The following CACNA1E variants were observed in gnomAD, a reference collection of about 807,000 sequenced individuals.
The protein encoded by CACNA1E is calcium voltage-gated channel subunit alpha1 E.
A neutral mutation model predicts 259.2 loss-of-function variants in CACNA1E; 40 were observed. The observed-to-expected ratio is 0.15, with a 90% confidence interval of 0.12 to 0.20. The LOEUF (loss-of-function observed/expected upper bound fraction) is 0.20, where lower values mean the gene tolerates loss of function less well. Ranked by LOEUF, CACNA1E falls within the 10% of genes least tolerant of loss-of-function variation. The pLI, the probability that CACNA1E is intolerant of heterozygous loss-of-function variation, is 1.00. For synonymous variants in CACNA1E, 1,104 were observed against 1,138.5 expected (o/e 0.97, Z 0.61); for missense variants, 1,874 against 3,040.1 (o/e 0.62, Z 9.02).
At chr1:181,738,717 C>T (rs1286803914) in intron 24 of CACNA1E, among the ~76,000 whole-genome samples, 1 of 152,234 alleles carries the variant, frequency 6.6e-6, no homozygotes, top group Non-Finnish European at 1.5e-5. Context: ...CAGTGCTTGT[C>T]TTGGCTGAGC....
intron 3 of CACNA1E, among the ~76,000 whole-genome samples, chr1:181,571,803 A>C (rs1326554089): frequency 6.6e-6 from 1 of 152,170 alleles, no homozygotes; most frequent in African/African-American, 2.4e-5. Flanking sequence ...TCCTGGACCT[A>C]ATGGTGTAAG....
chr1:181,367,024 C>T (rs544022774), intron 1 of CACNA1E, among the ~76,000 whole-genome samples: 25 of 152,198 alleles, frequency 1.6e-4, no homozygotes, highest in South Asian at 2.1e-4. Context: ...CCCTGCCTAA[C>T]GTGTCCTATT....
intron 1 of CACNA1E, among the ~76,000 whole-genome samples, chr1:181,494,525 C>G (rs1471216108): frequency 2.0e-5 from 3 of 152,108 alleles, no homozygotes; most frequent in African/African-American, 7.2e-5. Context: ...AATGTTTATC[C>G]TGCAGAGATC....
rs1668408902 is a variant in CACNA1E at position 181,539,349 on chromosome 1, T to G, written c.512+27839T>G. Among the ~76,000 whole-genome samples the G allele has an allele frequency of 2.0e-5, 3 of 152,118 alleles. No individual in the cohort carries two copies. The South Asian group carries it at 6.2e-4, about 31-fold the overall frequency. ...TGGCACTTAGTAGTCATTCAGCAAATATTACCAAATGAACAGATAATGACT... is the reference window on the plus strand; with the variant it reads ...TGGCACTTAGTAGTCATTCAGCAAAGATTACCAAATGAACAGATAATGACT... On this transcript the variant is annotated intron_variant, in intron 3 of 47. Transcript: ENST00000367573.
chr1:181,442,049 T>G (rs1012700393), intron 2 of CACNA1E, among the ~76,000 whole-genome samples: 1 of 152,198 alleles, frequency 6.6e-6, no homozygotes, highest in Non-Finnish European at 1.5e-5. Context: ...CACACGGACC[T>G]TGGACTCTGG....
chr1:181,373,353 C>G (rs1332871474), intron 1 of CACNA1E, among the ~76,000 whole-genome samples: 2 of 151,990 alleles, frequency 1.3e-5, no homozygotes, highest in African/African-American at 4.8e-5. Flanking sequence ...CTTCCTGGTT[C>G]AATCTTGGAA....
At chr1:181,343,467 G>A (rs971841135) in intron 1 of CACNA1E, among the ~76,000 whole-genome samples, 9 of 151,992 alleles carry the variant, frequency 5.9e-5, no homozygotes, top group South Asian at 2.1e-4. Flanking sequence ...CTCTCTTGCC[G>A]TATGAGGCAC....
intron 1 of CACNA1E, among the ~76,000 whole-genome samples, chr1:181,399,729 G>T (rs1289420666): frequency 6.6e-6 from 1 of 152,228 alleles, no homozygotes; most frequent in Non-Finnish European, 1.5e-5. Flanking sequence ...ATATTATGTA[G>T]ATACTACGTG....
intron 6 of CACNA1E, among the ~76,000 whole-genome samples, chr1:181,645,537 T>C (rs940092121): frequency 6.6e-6 from 1 of 152,222 alleles, no homozygotes; most frequent in Non-Finnish European, 1.5e-5. Context: ...CCTTTCTGGC[T>C]TCTGCTGTCT....
intron 37 of CACNA1E, among the ~76,000 whole-genome samples, chr1:181,774,123 G>A (rs180925062): frequency 5.9e-5 from 9 of 152,316 alleles, no homozygotes; most frequent in Non-Finnish European, 4.4e-5. Context: ...AATTAAACCT[G>A]CCTCACAAAG....
At chr1:181,777,035 T>C (rs966176412) in intron 38 of CACNA1E, among the ~76,000 whole-genome samples, 4 of 152,234 alleles carry the variant, frequency 2.6e-5, no homozygotes, top group African/African-American at 9.6e-5. Flanking sequence ...AAGTATTTAC[T>C]ACAGAAATAT....
intron 2 of CACNA1E, among the ~76,000 whole-genome samples, chr1:181,474,149 AAGT>A (rs1346827625): frequency 6.6e-6 from 1 of 152,242 alleles, no homozygotes; most frequent in Non-Finnish European, 1.5e-5. Flanking sequence ...AAACAAAGGA[AAGT>A]AGCATAACTG....
chr1:181,704,138 C>A (rs1652555957), intron 7 of CACNA1E, among the ~76,000 whole-genome samples: 1 of 152,142 alleles, frequency 6.6e-6, no homozygotes, highest in Admixed American at 6.5e-5. Context: ...CAACCTAAGT[C>A]TCCTTAAATC....
intron 7 of CACNA1E, among the ~76,000 whole-genome samples, chr1:181,674,003 A>G (rs1308921220): frequency 6.6e-6 from 1 of 152,032 alleles, no homozygotes; most frequent in Non-Finnish European, 1.5e-5. Flanking sequence ...GTTAGGGCCA[A>G]TTTAGGCAAT....
chr1:181,701,575 C>T (rs913998338), intron 7 of CACNA1E, among the ~76,000 whole-genome samples: 31 of 152,176 alleles, frequency 2.0e-4, no homozygotes, highest in Admixed American at 1.9e-3. Context: ...AATGAGGTGG[C>T]GCAGACTGGC....
chr1:181,597,169 C>T (rs1052625155), intron 6 of CACNA1E, among the ~76,000 whole-genome samples: 1 of 152,146 alleles, frequency 6.6e-6, no homozygotes, highest in South Asian at 2.1e-4. Context: ...GCTGTGGCAA[C>T]CAATCTCTTT....
At chr1:181,789,319 G>A (rs1203014678) in intron 43 of CACNA1E, among the ~76,000 whole-genome samples, 1 of 152,152 alleles carries the variant, frequency 6.6e-6, no homozygotes, top group Admixed American at 6.5e-5. Context: ...GCTCTCATTG[G>A]AAGCAAGGGG....
At chr1:181,369,541 G>T (rs1654530532) in intron 1 of CACNA1E, among the ~76,000 whole-genome samples, 1 of 152,204 alleles carries the variant, frequency 6.6e-6, no homozygotes, top group Non-Finnish European at 1.5e-5. Context: ...AGGCCTCAAA[G>T]GTGGGGACCG....
At chr1:181,653,965 A>G (rs1025416238) in intron 7 of CACNA1E, among the ~76,000 whole-genome samples, 17 of 152,318 alleles carry the variant, frequency 1.1e-4, no homozygotes, top group Admixed American at 7.2e-4. Flanking sequence ...ATATGAACAC[A>G]CAGCTAGGGA....
Sources: allele counts gnomAD v4.1 joint callset (sites outside exome capture counted in the v4.1 genomes callset), GRCh38; gene constraint gnomAD v4.1.1; transcripts MANE v1.5; gene names NCBI Gene and HGNC (gene_info 2026-07-23, HGNC 2026-07-21).